PCYT1B: variants seen among roughly 807,000 people sequenced by gnomAD.
PCYT1B encodes phosphate cytidylyltransferase 1B, choline.
PCYT1B carries 10 observed loss-of-function variants against 26.4 expected under a neutral mutation model. That is an observed-to-expected ratio of 0.38 (90% confidence interval 0.23 to 0.64). The LOEUF (loss-of-function observed/expected upper bound fraction) is 0.64. Among genes scored for constraint, PCYT1B ranks in the 30% least tolerant of loss-of-function variants. The pLI is 0.56. For synonymous variants in PCYT1B, 131 were observed against 108.4 expected, an observed-to-expected ratio of 1.21 and a Z score of -1.29; for missense variants, 161 against 292.7, an observed-to-expected ratio of 0.55 and a Z score of 3.28.
intron 1 of PCYT1B, among the ~76,000 whole-genome samples, chrX:24,631,516 G>A (rs1356685472): frequency 9.0e-6 from 1 of 110,988 alleles, no homozygotes; most frequent in Non-Finnish European, 1.9e-5. Flanking sequence ...ATTATAACGT[G>A]GATGAGAAAA....
rs983564637 is a variant in PCYT1B, at chrX:24,559,405, A to G, written c.*2888T>C. On this transcript the variant is annotated 3_prime_UTR_variant, in exon 8 of 8. Transcript: ENST00000379144. ...AGAGAAAGAAAAAGAAAGAAAGAAAAAGAGGAAAGAAAAAGAGAAAGAAGA... is the reference window on the plus strand; with the variant it reads ...AGAGAAAGAAAAAGAAAGAAAGAAAGAGAGGAAAGAAAAAGAGAAAGAAGA... 8.8e-5 allele frequency: 8 copies of G among 90,564 alleles called. No homozygotes were observed. The Admixed American group carries it at 1.1e-3, about 12-fold the overall frequency. 7.5% of individuals were successfully genotyped at this position (90,564 alleles called of 1,213,427 possible).
At chrX:24,661,490 T>C (rs1602214412) in intron 1 of PCYT1B, among the ~76,000 whole-genome samples, 1 of 112,020 alleles carries the variant, frequency 8.9e-6, no homozygotes, top group East Asian at 2.8e-4. Context: ...GTACTCCTAA[T>C]AGAAGTACAT....
At chrX:24,637,326 C>T (rs1215659839) in intron 1 of PCYT1B, among the ~76,000 whole-genome samples, 1 of 105,013 alleles carries the variant, frequency 9.5e-6, no homozygotes, top group African/African-American at 3.6e-5. Context: ...CTAATTTCAA[C>T]TCCCAGCTTA....
intron 1 of PCYT1B, among the ~76,000 whole-genome samples, chrX:24,636,708 G>A (rs769120987): frequency 2.2e-4 from 25 of 112,420 alleles, no homozygotes; most frequent in African/African-American, 7.1e-4. Context: ...CACTTCCAGC[G>A]TCCATCCCAT....
chrX:24,637,479 T>TAAAAAAAAAAAAA (rs1201643219), intron 1 of PCYT1B, among the ~76,000 whole-genome samples: 1 of 59,513 alleles, frequency 1.7e-5, no homozygotes, highest in African/African-American at 1.1e-4. Context: ...CCATCTCTAC[T>TAAAAAAAAAAAAA]AAAAAAAAAA....
intron 3 of PCYT1B, among the ~76,000 whole-genome samples, chrX:24,604,385 C>A (rs1925058574): frequency 9.1e-6 from 1 of 109,771 alleles, no homozygotes; most frequent in African/African-American, 3.3e-5. Context: ...GCCACTGCGC[C>A]CAGCCAGGAT....
chrX:24,562,660 A>G (rs985665574), intron 7 of PCYT1B, among the ~76,000 whole-genome samples, 155 bp from the exon 8 acceptor site: 4 of 111,021 alleles, frequency 3.6e-5, no homozygotes, highest in Non-Finnish European at 5.7e-5. Flanking sequence ...AAGACTATGT[A>G]TAGTAAGGAA....
intron 1 of PCYT1B, among the ~76,000 whole-genome samples, chrX:24,631,995 G>GA (rs1926111881): frequency 9.0e-6 from 1 of 111,554 alleles, no homozygotes; most frequent in Non-Finnish European, 1.9e-5. Flanking sequence ...CCTGCGATGG[G>GA]ATGGTGTCCT....
chrX:24,647,049 G>A lies in PCYT1B; in HGVS notation c.57C>T (p.Ser19=). Residue 19 remains serine, a synonymous_variant, in exon 1 of 8, where the codon TCC becomes TCT. Transcript: ENST00000379144. ...CCATGGTTTCTGAGGGAGGCTCATT[G>A]GAAAGGGATTTTGGGATACCTGTTT... ...ESETGIPKSL[S]NEPPSETMEE... 1 of 1,210,902 alleles carries A rather than the reference G, an allele frequency of 8.3e-7. No homozygotes were observed. The highest frequency in any genetic ancestry group is 1.1e-6 in the Non-Finnish European group (1 of 894,617).
intron 7 of PCYT1B, among the ~76,000 whole-genome samples, chrX:24,573,636 A>G (rs1218269766): frequency 9.0e-6 from 1 of 111,689 alleles, no homozygotes; most frequent in African/African-American, 3.3e-5. Flanking sequence ...ATTAAAATAC[A>G]CACTAGATTA....
At chrX:24,649,480 A>G (rs1926719954), upstream of PCYT1B, among the ~76,000 whole-genome samples, 1 of 111,326 alleles carries the variant, frequency 9.0e-6, no homozygotes, top group Non-Finnish European at 1.9e-5. Context: ...AAGTTTACAA[A>G]CCACTACCTT....
At chrX:24,583,796 T>C (rs1924278810) in intron 5 of PCYT1B, among the ~76,000 whole-genome samples, 1 of 111,729 alleles carries the variant, frequency 9.0e-6, no homozygotes, top group Admixed American at 9.6e-5. Flanking sequence ...GAATGCCTGG[T>C]CCAGATCTTT....
At position 24,561,909 on chromosome X, in the gene PCYT1B, G is replaced by A. The variant is rs1402140656; in HGVS notation, c.*384C>T. On this transcript the variant is annotated 3_prime_UTR_variant, in exon 8 of 8. Coordinates refer to ENST00000379144, the MANE Select transcript of PCYT1B (RefSeq NM_004845.5). ...GGCAACGTGCAGGACCCTTATGGACGCAGAAGTAGCAGGTTGAGGGAACAG... is the reference window on the plus strand; with the variant it reads ...GGCAACGTGCAGGACCCTTATGGACACAGAAGTAGCAGGTTGAGGGAACAG... 1.7e-5 allele frequency: 8 copies of A among 460,336 alleles called. No homozygotes were observed. Among genetic ancestry groups the A allele is most frequent in the South Asian group, 1.0e-4 (3 of 29,741 alleles). The allele number at this position is 460,336 out of a possible 1,213,427, so 37.9% of individuals were successfully genotyped here.
intron 2 of PCYT1B, among the ~76,000 whole-genome samples, chrX:24,616,247 TTTTTTAA>T (rs1354049949): frequency 1.5e-4 from 14 of 93,186 alleles, no homozygotes; most frequent in East Asian, 7.0e-4. Context: ...TTTTTTTTTT[TTTTTTAA>T]AAAAACAGAG....
intron 3 of PCYT1B, among the ~76,000 whole-genome samples, chrX:24,594,615 C>T (rs931724034): frequency 8.9e-6 from 1 of 111,894 alleles, no homozygotes; most frequent in Non-Finnish European, 1.9e-5. Flanking sequence ...AATACAGGGT[C>T]CTATTTTCCT....
intron 2 of PCYT1B, among the ~76,000 whole-genome samples, chrX:24,616,901 T>A (rs1440382626): frequency 8.9e-6 from 1 of 112,201 alleles, no homozygotes; most frequent in Non-Finnish European, 1.9e-5. Flanking sequence ...GGAAGCACAG[T>A]GTCATGGTTG....
intron 3 of PCYT1B, among the ~76,000 whole-genome samples, chrX:24,597,850 G>T (rs1924836781): frequency 8.9e-6 from 1 of 112,221 alleles, no homozygotes; most frequent in Admixed American, 9.4e-5. Context: ...TAGGGATAAG[G>T]CCCAAGAACT....
At chrX:24,615,051 C>T (rs1925442557) in intron 2 of PCYT1B, among the ~76,000 whole-genome samples, 1 of 111,850 alleles carries the variant, frequency 8.9e-6, no homozygotes, top group Non-Finnish European at 1.9e-5. Context: ...AACTCCTGAC[C>T]TCAAGTGATC....
At chrX:24,633,960 G>A (rs1040445152) in intron 1 of PCYT1B, among the ~76,000 whole-genome samples, 2 of 111,246 alleles carry the variant, frequency 1.8e-5, no homozygotes, top group East Asian at 5.6e-4. Context: ...ATCTCACTCT[G>A]TCACCCAAGT....
Sources: allele counts gnomAD v4.1 joint callset (sites outside exome capture counted in the v4.1 genomes callset), GRCh38; gene constraint gnomAD v4.1.1; transcripts MANE v1.5; gene names NCBI Gene and HGNC (gene_info 2026-07-23, HGNC 2026-07-21).